RBFOX1: variants seen among roughly 807,000 people sequenced by gnomAD.
The protein encoded by RBFOX1 is RNA binding fox-1 homolog 1.
In RBFOX1, 8 loss-of-function variants were observed where a neutral mutation model predicts 57.7. That is an observed-to-expected ratio of 0.14 (90% CI 0.08 to 0.25). The LOEUF is 0.25. Among genes scored for constraint, RBFOX1 ranks in the 10% least tolerant of loss-of-function variants. The pLI, the probability that RBFOX1 is intolerant of heterozygous loss-of-function variation, is 1.00. For synonymous variants in RBFOX1, 326 were observed against 222.4 expected, an observed-to-expected ratio of 1.47 and a Z score of -4.15; for missense variants, 611 against 548.5, an observed-to-expected ratio of 1.11 and a Z score of -1.14.
intron 2 of RBFOX1, among the ~76,000 whole-genome samples, chr16:6,387,760 C>A (rs1442102604): frequency 6.6e-6 from 1 of 152,122 alleles, no homozygotes; most frequent in African/African-American, 2.4e-5. Flanking sequence ...CATGCCCCTA[C>A]TTCTCTAAGA....
intron 3 of RBFOX1, among the ~76,000 whole-genome samples, chr16:6,979,647 C>T (rs1193071576): frequency 6.6e-6 from 1 of 152,080 alleles, no homozygotes; most frequent in East Asian, 1.9e-4. Context: ...TTTTGGGTTG[C>T]AGAAATAAGT....
chr16:6,413,398 A>T (rs1259185418), intron 2 of RBFOX1, among the ~76,000 whole-genome samples: 1 of 151,954 alleles, frequency 6.6e-6, no homozygotes, highest in Non-Finnish European at 1.5e-5. Flanking sequence ...CCCTGGGCTC[A>T]AGCAGTCCTC....
intron 7 of RBFOX1, among the ~76,000 whole-genome samples, chr16:7,588,780 T>G (rs1051095074): frequency 1.3e-5 from 2 of 152,166 alleles, no homozygotes; most frequent in African/African-American, 2.4e-5. Flanking sequence ...TGATTTTTTT[T>G]TCTTTATTCC....
chr16:6,843,726 T>G (rs914335721), intron 3 of RBFOX1, among the ~76,000 whole-genome samples: 2 of 152,134 alleles, frequency 1.3e-5, no homozygotes, highest in African/African-American at 4.8e-5. Context: ...GCTTTACAGG[T>G]AGTTCCTTTT....
rs552666725 is a variant in RBFOX1, at chr16:5,776,931, G to C, written c.319-90372G>C. On this transcript the variant is annotated intron_variant, in intron 3 of 19. Coordinates refer to the RBFOX1 transcript ENST00000641259. ...ACTGAGCACGTGAAATATGGCTTAAGATGACTCTGGAATTGAATTTTAAAT... is the reference window on the plus strand; with the variant it reads ...ACTGAGCACGTGAAATATGGCTTAACATGACTCTGGAATTGAATTTTAAAT... Among the ~76,000 whole-genome samples the C allele has an allele frequency of 1.2e-3, 176 of 152,314 alleles. 1 individual carries two copies. The highest frequency in any genetic ancestry group is 2.1e-3 in the Non-Finnish European group (141 of 68,028).
In RBFOX1 at chr16:6,559,790, C is replaced by A. The variant is rs547869577; in HGVS notation, c.-63-94813C>A. Among the ~76,000 whole-genome samples, 25 of 152,196 alleles carry A rather than the reference C, an allele frequency of 1.6e-4. No individual in the cohort carries two copies. In the South Asian group the frequency reaches 3.7e-3, roughly 23 times the overall value. Reference sequence around the variant, plus strand: ...TACTATGTGCCAGGCGCTCTTCCTGCATTTGGAACTTGTTGGTGTAAAGAC... The same window carrying A: ...TACTATGTGCCAGGCGCTCTTCCTGAATTTGGAACTTGTTGGTGTAAAGAC... On this transcript the variant is annotated intron_variant, in intron 2 of 15. Transcript: ENST00000550418.
At chr16:7,299,165 G>A (rs2095970514) in intron 4 of RBFOX1, among the ~76,000 whole-genome samples, 1 of 152,122 alleles carries the variant, frequency 6.6e-6, no homozygotes, top group East Asian at 1.9e-4. Context: ...CACCATCTGT[G>A]TTTCAGGTTA....
intron 3 of RBFOX1, among the ~76,000 whole-genome samples, chr16:6,719,238 A>G (rs1187303045): frequency 1.3e-5 from 2 of 152,098 alleles, no homozygotes; most frequent in African/African-American, 2.4e-5. Context: ...ATAGTATTCA[A>G]TATTAAATAG....
At chr16:7,514,477 G>T (rs1421799423) in intron 4 of RBFOX1, among the ~76,000 whole-genome samples, 1 of 152,140 alleles carries the variant, frequency 6.6e-6, no homozygotes, top group African/African-American at 2.4e-5. Flanking sequence ...CCTGTTTTCA[G>T]GGAGCTCACA....
intron 4 of RBFOX1, among the ~76,000 whole-genome samples, chr16:7,378,249 A>T (rs2097721080): frequency 6.6e-6 from 1 of 152,164 alleles, no homozygotes; most frequent in Non-Finnish European, 1.5e-5. Flanking sequence ...CCTGATCTCG[A>T]GCCTTTTCCT....
chr16:6,169,898 G>A (rs1297156400), intron 1 of RBFOX1, among the ~76,000 whole-genome samples: 1 of 152,122 alleles, frequency 6.6e-6, no homozygotes, highest in Admixed American at 6.5e-5. Flanking sequence ...CCAAGTAGCT[G>A]GGATTACAGG....
chr16:7,413,830 G>C (rs2098453660), intron 4 of RBFOX1, among the ~76,000 whole-genome samples: 1 of 152,058 alleles, frequency 6.6e-6, no homozygotes, highest in Non-Finnish European at 1.5e-5. Context: ...CATGAACTTG[G>C]TTTCTACCCT....
intron 14 of RBFOX1, among the ~76,000 whole-genome samples, chr16:7,686,960 A>T (rs1347889338): frequency 3.9e-5 from 6 of 152,072 alleles, no homozygotes; most frequent in African/African-American, 1.4e-4. Flanking sequence ...AACTGGGGAG[A>T]GATTCACAGA....
intron 3 of RBFOX1, among the ~76,000 whole-genome samples, chr16:5,788,707 C>T (rs1391522778): frequency 6.6e-6 from 1 of 152,076 alleles, no homozygotes; most frequent in Non-Finnish European, 1.5e-5. Flanking sequence ...ACTGTGAGCT[C>T]CTCAGCGAGT....
intron 3 of RBFOX1, among the ~76,000 whole-genome samples, chr16:5,645,270 AAAAAC>A (rs1403974684): frequency 1.7e-4 from 2 of 12,024 alleles, no homozygotes; most frequent in Non-Finnish European, 4.9e-4. Context: ...AAACAGAAAC[AAAAAC>A]AAAAAAAAAA....
chr16:6,253,996 G>T (rs930518945), intron 1 of RBFOX1, among the ~76,000 whole-genome samples: 2 of 152,086 alleles, frequency 1.3e-5, no homozygotes, highest in African/African-American at 4.8e-5. Flanking sequence ...AGGGAACAAA[G>T]GTTCCATGAC....
At chr16:6,802,452 A>G (rs1240596675) in intron 3 of RBFOX1, among the ~76,000 whole-genome samples, 1 of 152,114 alleles carries the variant, frequency 6.6e-6, no homozygotes, top group South Asian at 2.1e-4. Context: ...CGAGGTGGGC[A>G]CATCACCTGA....
chr16:5,508,162 GGGTCTGGACGT>G (rs1442585248), intron 2 of RBFOX1, among the ~76,000 whole-genome samples: 3 of 152,180 alleles, frequency 2.0e-5, no homozygotes, highest in Non-Finnish European at 4.4e-5. Context: ...TGTGTGCTGG[GGGTCTGGACGT>G]GGTTTAGCTG....
At chr16:7,021,912 C>A (rs1047292376) in intron 3 of RBFOX1, among the ~76,000 whole-genome samples, 4 of 148,694 alleles carry the variant, frequency 2.7e-5, no homozygotes, top group South Asian at 2.1e-4. Context: ...TTCTTTCTTT[C>A]TTTTCTTTCT....
Sources: gnomAD v4.1 joint callset for allele counts (sites outside exome capture counted in the v4.1 genomes callset) on GRCh38, gnomAD v4.1.1 for gene constraint, MANE v1.5 for transcripts, NCBI Gene and HGNC (gene_info 2026-07-23, HGNC 2026-07-21) for gene names.